The following C2orf78 variants were observed in gnomAD, a reference collection of about 807,000 sequenced individuals.
C2orf78 encodes chromosome 2 open reading frame 78.
A neutral mutation model predicts 21.4 loss-of-function variants in C2orf78; 12 were observed. The observed-to-expected ratio is 0.56, with a 90% CI of 0.36 to 0.91. C2orf78 has a LOEUF of 0.91. C2orf78 is among the 40% of genes least tolerant of loss of function. The pLI is 0.01. For synonymous variants in C2orf78, 396 were observed against 413.9 expected (o/e 0.96, Z 0.52); for missense variants, 1,042 against 1,092.4 (o/e 0.95, Z 0.65).
exon 2 of C2orf78, chr2:73,814,100 G>A: frequency 6.2e-7 from 1 of 1,612,952 alleles, no homozygotes; most frequent in Admixed American, 1.7e-5. Flanking sequence ...TAGGGCTTCT[G>A]CCCATCAACC....
intron 2 of C2orf78, among the ~76,000 whole-genome samples, chr2:73,814,748 C>T (rs565647240): frequency 1.3e-5 from 2 of 152,312 alleles, no homozygotes; most frequent in Admixed American, 1.3e-4. Flanking sequence ...TTCTTATTCT[C>T]TCAGGAGAGT....
rs757130074 is a variant in C2orf78 at position 73,816,989 on chromosome 2, C to T, written c.2766C>T (p.Ile922=). Residue 922 remains isoleucine, a synonymous_variant, in exon 3 of 3, where the codon ATC becomes ATT. Coordinates refer to ENST00000409561, the Ensembl canonical transcript of C2orf78. ...TTGCTGAATACTATGGCTACACAAT[C>T]TAAGAGCTGAGATTGTTGGTTTTAC... 7 of 1,604,966 alleles carry T rather than the reference C, an allele frequency of 4.4e-6. No individual in the cohort carries two copies. In the East Asian group the frequency reaches 1.6e-4, roughly 36 times the overall value.
At chr2:73,786,192 C>A (rs376262639) in intron 1 of C2orf78, among the ~76,000 whole-genome samples, 1 of 151,906 alleles carries the variant, frequency 6.6e-6, no homozygotes, top group Admixed American at 6.6e-5. Context: ...CCAGCCTAGG[C>A]AACATGGTGA....
intron 1 of C2orf78, among the ~76,000 whole-genome samples, chr2:73,786,056 A>C (rs1196112949): frequency 1.3e-5 from 2 of 151,904 alleles, no homozygotes; most frequent in Non-Finnish European, 2.9e-5. Context: ...CAAAAAGAAA[A>C]AAAAAGAAAG....
At chr2:73,784,862 G>A (rs566498938) in intron 1 of C2orf78, among the ~76,000 whole-genome samples, 1 of 151,290 alleles carries the variant, frequency 6.6e-6, no homozygotes, top group Non-Finnish European at 1.5e-5. Flanking sequence ...GATGTTTAGT[G>A]ATGTTTTAAA....
chr2:73,814,141 G>A (rs370664233), exon 2 of C2orf78: 2 of 1,611,608 alleles, frequency 1.2e-6, no homozygotes, highest in South Asian at 2.2e-5. Flanking sequence ...AGGAGGTTCA[G>A]CCCACAAATG....
exon 3 of C2orf78, chr2:73,815,158 C>T (rs773370250): frequency 6.2e-7 from 1 of 1,613,990 alleles, no homozygotes; most frequent in Non-Finnish European, 8.5e-7. Flanking sequence ...CCAGAATTCT[C>T]CAAGTCCTTC....
chr2:73,784,836 G>A (rs547919804), intron 1 of C2orf78, among the ~76,000 whole-genome samples: 3 of 151,236 alleles, frequency 2.0e-5, no homozygotes, highest in African/African-American at 7.4e-5. Flanking sequence ...TTCAACTTTC[G>A]TATTTTAAAT....
Position 73,786,249 on chromosome 2 carries a change from G to A in C2orf78, c.97+1843G>A, listed in dbSNP as rs377695014. 9.2e-5 allele frequency among the ~76,000 whole-genome samples: 14 copies of A among 151,586 alleles called. 2 individuals carry two copies. The South Asian group carries it at 1.0e-3, about 11-fold the overall frequency. ...ATAAGAATTAGCTGGGTGTGGTGGC[G>A]TGCACCTGTAATCCTCCTACTTGGG... is the stretch of plus-strand genomic sequence containing the variant. On this transcript the variant is annotated intron_variant, in intron 1 of 2. Transcript: ENST00000409561.
chr2:73,815,368 A>T, exon 3 of C2orf78: 1 of 1,613,996 alleles, frequency 6.2e-7, no homozygotes, highest in East Asian at 2.2e-5. Context: ...CTAATAGGAA[A>T]TCAAGATCCT....
chr2:73,812,372 A>G (rs371068941), intron 1 of C2orf78, among the ~76,000 whole-genome samples: 5 of 152,204 alleles, frequency 3.3e-5, no homozygotes, highest in East Asian at 3.8e-4. Context: ...AGAACTTACT[A>G]TATCTTCCTC....
rs545075663 is a variant in C2orf78, at chr2:73,810,132, C to T, written c.98-3345C>T. ...AAGGAAACAGGCTAGAATAGAGTAT[C>T]CCTAGAAAAAGCACCTTATCAGAAG... On this transcript the variant is annotated intron_variant, in intron 1 of 2. Coordinates refer to ENST00000409561, the Ensembl canonical transcript of C2orf78. Among the ~76,000 whole-genome samples the T allele has an allele frequency of 2.4e-4, 37 of 152,162 alleles. 2 individuals are homozygous for T. In the South Asian group the frequency reaches 7.3e-3, roughly 30 times the overall value.
At chr2:73,814,381 A>G (rs1372643726) in intron 2 of C2orf78, among the ~76,000 whole-genome samples, 155 bp downstream of exon 2, 2 of 152,230 alleles carry the variant, frequency 1.3e-5, no homozygotes, top group Non-Finnish European at 2.9e-5. Context: ...CAGACTCTAT[A>G]TAAGAACACC....
chr2:73,811,165 C>A (rs1394054865), intron 1 of C2orf78, among the ~76,000 whole-genome samples: 1 of 151,498 alleles, frequency 6.6e-6, no homozygotes, highest in South Asian at 2.1e-4. Flanking sequence ...GTGACAGGCG[C>A]CTGTAAACCC....
intron 1 of C2orf78, among the ~76,000 whole-genome samples, chr2:73,811,967 T>G (rs994514902): frequency 3.3e-4 from 50 of 152,212 alleles, no homozygotes; most frequent in Admixed American, 2.9e-3. Flanking sequence ...CCAGTTTTTA[T>G]TGAAATATCT....
Position 73,813,455 on chromosome 2 carries a change from ATCTC to A in C2orf78, c.98-16_98-13del, listed in dbSNP as rs774414895. The A allele has an allele frequency of 1.5e-5, 23 of 1,541,964 alleles. No homozygotes were observed. In the African/African-American group the frequency reaches 2.8e-4, roughly 19 times the overall value. Reference sequence around the variant, plus strand: ...ATTTTTCACTCTCATCGGTTTTTTCATCTCTCTCTTGTTTCCTACAGAATATTTC... The same window carrying A: ...ATTTTTCACTCTCATCGGTTTTTTCATCTCTTGTTTCCTACAGAATATTTC... On this transcript the variant is annotated intron_variant, in intron 1 of 2. Coordinates refer to ENST00000409561, the Ensembl canonical transcript of C2orf78.
At chr2:73,814,415 T>C (rs1292670108) in intron 2 of C2orf78, among the ~76,000 whole-genome samples, 189 bp downstream of exon 2, 1 of 152,208 alleles carries the variant, frequency 6.6e-6, no homozygotes, top group Non-Finnish European at 1.5e-5. Context: ...AGTGGAACAC[T>C]GTAATGGCCA....
chr2:73,784,585 C>A (rs1263627678), intron 1 of C2orf78, among the ~76,000 whole-genome samples, 179 bp downstream of exon 1: 3 of 151,358 alleles, frequency 2.0e-5, no homozygotes, highest in Non-Finnish European at 2.9e-5. Context: ...CTTTAGATAA[C>A]TTTTATTCTC....
chr2:73,813,354 C>T (rs367648373), intron 1 of C2orf78, 123 bp from the exon 2 acceptor site: 5 of 1,010,532 alleles, frequency 4.9e-6, no homozygotes, highest in Admixed American at 3.0e-5. Flanking sequence ...CTTTTGGTAT[C>T]TCAGTGAGTA....
Sources: gnomAD v4.1 joint callset for allele counts (sites outside exome capture counted in the v4.1 genomes callset) on GRCh38, gnomAD v4.1.1 for gene constraint, MANE v1.5 for transcripts, NCBI Gene and HGNC (gene_info 2026-07-23, HGNC 2026-07-21) for gene names.